The following CTBP1 variants were observed in gnomAD, a reference collection of about 807,000 sequenced individuals.
CTBP1 encodes the protein C-terminal binding protein 1.
A neutral mutation model predicts 42.1 loss-of-function variants in CTBP1; 11 were observed. The ratio of observed to expected loss-of-function variants is 0.26; its 90% confidence interval spans 0.16 to 0.43. The LOEUF (loss-of-function observed/expected upper bound fraction) is 0.43, where lower values mean the gene tolerates loss of function less well. Among genes scored for constraint, CTBP1 ranks in the 20% least tolerant of loss-of-function variants. The pLI is 1.00. For synonymous variants in CTBP1, 324 were observed against 277.1 expected (o/e 1.17, Z -1.68); for missense variants, 399 against 624.3 (o/e 0.64, Z 3.85).
chr4:1,228,471 C>A, intron 3 of CTBP1, 128 bp from the exon 4 acceptor site: 1 of 1,192,138 alleles, frequency 8.4e-7, no homozygotes, highest in South Asian at 1.5e-5. Context: ...AGCACCAGCC[C>A]GGACACTGGG....
chr4:1,225,334 C>T (rs1343641788), intron 5 of CTBP1, 26 bp downstream of exon 5: 1 of 1,530,248 alleles, frequency 6.5e-7, no homozygotes, highest in Non-Finnish European at 8.8e-7. Flanking sequence ...GGGAGGGACA[C>T]AGGCGTGGAG....
At chr4:1,243,483 A>G in intron 1 of CTBP1, 1 of 985,378 alleles carries the variant, frequency 1.0e-6, no homozygotes, top group South Asian at 4.7e-5. Context: ...CCTGAGGCCC[A>G]GCACCTGGTT....
At chr4:1,247,193 G>T (rs569423951) in intron 1 of CTBP1, among the ~76,000 whole-genome samples, 2 of 152,362 alleles carry the variant, frequency 1.3e-5, no homozygotes, top group South Asian at 4.1e-4. Context: ...CAGCTGCCCT[G>T]GTCAAGGCTG....
chr4:1,219,763 G>A (rs1251063498), intron 5 of CTBP1, among the ~76,000 whole-genome samples: 1 of 152,216 alleles, frequency 6.6e-6, no homozygotes, highest in Non-Finnish European at 1.5e-5. Context: ...TCTAACTCCT[G>A]GTGATCCTCC....
chr4:1,237,356 A>C (rs1448001674), intron 3 of CTBP1: 1 of 670,220 alleles, frequency 1.5e-6, no homozygotes, highest in African/African-American at 1.9e-5. Context: ...GCTCAGGGAA[A>C]ACCCCATGTC....
At chr4:1,234,162 G>A (rs1042140813) in intron 3 of CTBP1, among the ~76,000 whole-genome samples, 7 of 152,216 alleles carry the variant, frequency 4.6e-5, no homozygotes, top group Admixed American at 6.5e-5. Flanking sequence ...ACTGCGAAAC[G>A]CGGACTCGGC....
intron 1 of CTBP1, among the ~76,000 whole-genome samples, chr4:1,248,431 G>T (rs1259905826): frequency 6.7e-6 from 1 of 150,048 alleles, no homozygotes; most frequent in Non-Finnish European, 1.5e-5. Flanking sequence ...CCCCGCGGGA[G>T]GCGCGCTCCC....
chr4:1,225,248 CG>C, intron 5 of CTBP1, 111 bp downstream of exon 5: 1 of 1,290,034 alleles, frequency 7.8e-7, no homozygotes, highest in South Asian at 1.4e-5. Context: ...GGGTTGGGAC[CG>C]ACACCTGCAG....
At chr4:1,239,453 G>A (rs1407462548) in intron 2 of CTBP1, among the ~76,000 whole-genome samples, 2 of 152,216 alleles carry the variant, frequency 1.3e-5, no homozygotes, top group African/African-American at 4.8e-5. Context: ...GAGTGACCCA[G>A]CAGGCTCTCC....
At chr4:1,228,051 G>A (rs1730569922) in intron 4 of CTBP1, 148 bp downstream of exon 4, 8 of 1,046,904 alleles carry the variant, frequency 7.6e-6, no homozygotes, top group Admixed American at 4.6e-5. Context: ...ACCTCATGCC[G>A]GCCCCAGACG....
At chr4:1,247,267 G>A (rs1410785720) in intron 1 of CTBP1, among the ~76,000 whole-genome samples, 1 of 152,220 alleles carries the variant, frequency 6.6e-6, no homozygotes, top group Non-Finnish European at 1.5e-5. Flanking sequence ...AGGCGGACGA[G>A]GCACCCCCAG....
At chr4:1,219,398 G>C (rs987144254) in intron 5 of CTBP1, among the ~76,000 whole-genome samples, 2 of 152,012 alleles carry the variant, frequency 1.3e-5, no homozygotes, top group African/African-American at 4.8e-5. Context: ...TTAAAAGGAT[G>C]AAAAAAGACA....
chr4:1,225,512 G>A lies in CTBP1; in HGVS notation c.362C>T (p.Thr121Met), dbSNP rs1388198458. Reference sequence around the variant, plus strand: ...GTACAGGTTCAGGATGTGGCACAGCGTCGAGTCGGCCGTCTCCTCCACAGA... The same window carrying A: ...GTACAGGTTCAGGATGTGGCACAGCATCGAGTCGGCCGTCTCCTCCACAGA... The part of the protein sequence containing the change: ...AASVEETADS[T>M]LCHILNLYRR... Residue 121 changes from threonine to methionine, a missense_variant, in exon 5 of 10, where the codon ACG becomes ATG. Physicochemically the swap from Thr to Met is moderately conservative, Grantham distance 81. Transcript: ENST00000382952. 1.3e-6 allele frequency: 2 copies of A among 1,545,170 alleles called. No homozygotes were observed. Among genetic ancestry groups the A allele is most frequent in the Non-Finnish European group, 1.7e-6 (2 of 1,146,790 alleles).
At position 1,216,214 on chromosome 4, in the gene CTBP1, G is replaced by A. The variant is rs375283311; in HGVS notation, c.515-9C>T. The A allele has an allele frequency of 1.1e-3, 1,738 of 1,606,870 alleles. 45 individuals are homozygous for A. In the South Asian group the frequency reaches 0.017, roughly 16 times the overall value. On this transcript the variant is annotated splice_polypyrimidine_tract_variant and intron_variant, in intron 5 of 9. Transcript: ENST00000382952. ...TGCCTGCCCCACGCGACCTGGTGGCGTCAAGACACAGTGTGAGACCCTTGC... is the reference window on the plus strand; with the variant it reads ...TGCCTGCCCCACGCGACCTGGTGGCATCAAGACACAGTGTGAGACCCTTGC...
chr4:1,212,862 G>A, intron 9 of CTBP1, 51 bp downstream of exon 9: 10 of 1,479,104 alleles, frequency 6.8e-6, no homozygotes, highest in Non-Finnish European at 8.5e-6. Flanking sequence ...GGGATCCAGG[G>A]GAAGCCTGGG....
At position 1,243,818 on chromosome 4, in the gene CTBP1, C is replaced by T. The variant is rs887915719; in HGVS notation, c.-188-2299G>A. ...GTGCTGTCCAAATCCAGGACCCACA[C>T]TGCTTTTCCTCATCAAAAACTCACA... On this transcript the variant is annotated intron_variant, in intron 1 of 9. Transcript: ENST00000382952. 5.1e-6 allele frequency: 5 copies of T among 985,348 alleles called. No individual in the cohort carries two copies. The African/African-American group carries it at 8.7e-5, about 17-fold the overall frequency. The allele number at this position is 985,348 out of a possible 1,614,324, so 61.0% of individuals were successfully genotyped here. A position where few individuals can be genotyped will look rare whatever the true frequency, so the allele number is the denominator to read the frequency against.
In CTBP1 at chr4:1,249,042, C is replaced by G. The variant is rs1349129465; in HGVS notation, c.-315G>C. 5.6e-5 allele frequency: 32 copies of G among 567,818 alleles called. No homozygotes were observed. In the East Asian group the frequency reaches 3.8e-3, roughly 68 times the overall value. The allele number at this position is 567,818 out of a possible 1,614,324, so 35.2% of individuals were successfully genotyped here. ...GCGCGTGGGGCGGCCTCGGCGCCGT[C>G]CGCTGCTCCGCCCGCCCGCCTGCGC... On this transcript the variant is annotated 5_prime_UTR_variant, in exon 1 of 10. Coordinates refer to ENST00000382952, the MANE Select transcript of CTBP1 (RefSeq NM_001012614.2).
At position 1,249,085 on chromosome 4, in the gene CTBP1, G is replaced by C. The variant is rs998404400; in HGVS notation, c.-358C>G. ...GCCTGCGCCTGGCCGCCGCCGTGCC[G>C]AGTCTCCGCCGCGCCGCTGAGCCGC... On this transcript the variant is annotated 5_prime_UTR_variant, in exon 1 of 10. Coordinates refer to ENST00000382952, the MANE Select transcript of CTBP1 (RefSeq NM_001012614.2). 4 of 280,464 alleles carry C rather than the reference G, an allele frequency of 1.4e-5. No homozygotes were observed. Among genetic ancestry groups the C allele is most frequent in the African/African-American group, 9.3e-5 (4 of 43,102 alleles). 17.4% of individuals were successfully genotyped at this position (280,464 alleles called of 1,614,324 possible).
intron 4 of CTBP1, among the ~76,000 whole-genome samples, chr4:1,225,870 C>T (rs1041380002): frequency 1.3e-5 from 2 of 151,954 alleles, no homozygotes; most frequent in African/African-American, 4.8e-5. Context: ...TCAGCGCTGG[C>T]AGCCCAGGAA....
Sources: gnomAD v4.1 joint callset for allele counts (sites outside exome capture counted in the v4.1 genomes callset) on GRCh38, gnomAD v4.1.1 for gene constraint, MANE v1.5 for transcripts, NCBI Gene and HGNC (gene_info 2026-07-23, HGNC 2026-07-21) for gene names.